The following MAPK10 variants were observed in gnomAD, a reference collection of about 807,000 sequenced individuals.
MAPK10 encodes mitogen-activated protein kinase 10.
A neutral mutation model predicts 59.3 loss-of-function variants in MAPK10; 25 were observed. That is an observed-to-expected ratio of 0.42 (90% CI 0.31 to 0.59). The LOEUF is 0.59. MAPK10 is among the 20% of genes least tolerant of loss of function. The probability of loss-of-function intolerance (pLI) is 0.15; values close to 1 mark genes in which losing one functional copy is unlikely to be tolerated. For missense variants in MAPK10, 351 were observed against 568.9 expected, an observed-to-expected ratio of 0.62 and a Z score of 3.90; for synonymous variants, 190 against 200.5, an observed-to-expected ratio of 0.95 and a Z score of 0.44.
At chr4:86,378,269 G>T (rs551501536) in intron 1 of MAPK10, among the ~76,000 whole-genome samples, 3 of 152,244 alleles carry the variant, frequency 2.0e-5, no homozygotes, top group Non-Finnish European at 4.4e-5. Flanking sequence ...CCTCTTTGTA[G>T]TTTCTCAGAC....
intron 4 of MAPK10, among the ~76,000 whole-genome samples, chr4:86,108,579 T>A (rs2056935792): frequency 6.6e-6 from 1 of 152,202 alleles, no homozygotes. Context: ...CATTTAATAC[T>A]CATTCCTCTC....
chr4:86,148,790 A>C (rs1312441531), intron 4 of MAPK10, among the ~76,000 whole-genome samples: 3 of 152,198 alleles, frequency 2.0e-5, no homozygotes, highest in Non-Finnish European at 4.4e-5. Flanking sequence ...AATCTGAAGG[A>C]GATAAGAGTA....
chr4:86,226,983 A>G (rs1458668428), intron 2 of MAPK10, among the ~76,000 whole-genome samples: 2 of 152,204 alleles, frequency 1.3e-5, no homozygotes, highest in African/African-American at 4.8e-5. Context: ...GGATTTGATG[A>G]ATTGCTTTTC....
At chr4:86,218,582 A>AC (rs1554102964) in intron 2 of MAPK10, among the ~76,000 whole-genome samples, 1 of 151,974 alleles carries the variant, frequency 6.6e-6, no homozygotes, top group African/African-American at 2.4e-5. Context: ...AAAAAAAAAA[A>AC]AAAAACACTT....
chr4:86,163,807 A>G (rs2070692153), intron 3 of MAPK10, among the ~76,000 whole-genome samples: 1 of 152,182 alleles, frequency 6.6e-6, no homozygotes, highest in African/African-American at 2.4e-5. Context: ...GCAGATCGAC[A>G]TGTAAACAAA....
At chr4:86,590,660 C>T (rs998652791) in intron 1 of MAPK10, among the ~76,000 whole-genome samples, 52 of 151,988 alleles carry the variant, frequency 3.4e-4, no homozygotes, top group African/African-American at 1.2e-3. Context: ...GTGGTGTGCA[C>T]CTGTAGTCCT....
chr4:86,374,128 A>G (rs1374229890), intron 1 of MAPK10, among the ~76,000 whole-genome samples: 1 of 152,164 alleles, frequency 6.6e-6, no homozygotes, highest in Non-Finnish European at 1.5e-5. Context: ...GAAGCTGGAA[A>G]CCATCATTCT....
chr4:86,243,205 C>G (rs2092861484), intron 2 of MAPK10, among the ~76,000 whole-genome samples: 2 of 152,152 alleles, frequency 1.3e-5, no homozygotes, highest in Admixed American at 1.3e-4. Flanking sequence ...TGGGAGCCTC[C>G]CAACTCAGCT....
At chr4:86,134,598 G>A (rs935311097) in intron 4 of MAPK10, among the ~76,000 whole-genome samples, 3 of 152,102 alleles carry the variant, frequency 2.0e-5, no homozygotes, top group Non-Finnish European at 4.4e-5. Flanking sequence ...TAAGAAGTTA[G>A]GAAAATGAAA....
At chr4:86,211,748 C>T (rs925890765) in intron 2 of MAPK10, among the ~76,000 whole-genome samples, 2 of 152,102 alleles carry the variant, frequency 1.3e-5, no homozygotes, top group Non-Finnish European at 2.9e-5. Context: ...CTGAGAAGAA[C>T]TGCTTGTTTT....
intron 3 of MAPK10, among the ~76,000 whole-genome samples, chr4:86,170,080 C>A (rs1389541786): frequency 1.3e-5 from 2 of 152,152 alleles, no homozygotes; most frequent in East Asian, 1.9e-4. Flanking sequence ...TGGAAAGGAA[C>A]AACCGGTACC....
chr4:86,064,139 A>G, intron 11 of MAPK10, 127 bp downstream of exon 11: 1 of 1,171,980 alleles, frequency 8.5e-7, no homozygotes, highest in Middle Eastern at 2.0e-4. Context: ...GGGGCAGATA[A>G]TAGGCTTTGG....
intron 2 of MAPK10, among the ~76,000 whole-genome samples, chr4:86,336,092 A>G (rs1328011262): frequency 1.3e-5 from 2 of 152,372 alleles, no homozygotes; most frequent in Non-Finnish European, 1.5e-5. Flanking sequence ...AAAGAAAATT[A>G]TAATTTGTAT....
At chr4:86,298,429 CCCCTGTG>C in intron 2 of MAPK10, among the ~76,000 whole-genome samples, 1 of 152,304 alleles carries the variant, frequency 6.6e-6, no homozygotes, top group East Asian at 1.9e-4. Context: ...ATATTAACCA[CCCCTGTG>C]ACCCTCCTCT....
At chr4:86,103,146 G>A (rs772647966) in intron 6 of MAPK10, 40 bp downstream of exon 6, 19 of 1,448,730 alleles carry the variant, frequency 1.3e-5, no homozygotes, top group Non-Finnish European at 1.8e-5. Flanking sequence ...GGCTATCTGA[G>A]TGCTGTGCTC....
intron 4 of MAPK10, among the ~76,000 whole-genome samples, chr4:86,130,776 G>A (rs2060862996): frequency 6.6e-6 from 1 of 152,110 alleles, no homozygotes; most frequent in Non-Finnish European, 1.5e-5. Context: ...AGATGTTGGG[G>A]TTTTGAGGAA....
chr4:86,200,780 A>G (rs758708643), intron 2 of MAPK10, among the ~76,000 whole-genome samples: 33 of 151,970 alleles, frequency 2.2e-4, no homozygotes, highest in Non-Finnish European at 4.3e-4. Flanking sequence ...TAATACAAGC[A>G]TACAATGTGT....
At position 86,371,813 on chromosome 4, in the gene MAPK10, T is replaced by C. The variant is rs114476206; in HGVS notation, c.-121-17169A>G. The stretch of plus-strand genomic sequence containing the variant: ...TCTTTCCCATAGCCAAGAGAAGCCA[T>C]AAGAGAACAAGAGAACATGCCATGA... On this transcript the variant is annotated intron_variant, in intron 1 of 13. Coordinates refer to the MAPK10 transcript ENST00000361569. Among the ~76,000 whole-genome samples the C allele has an allele frequency of 4.1e-3, 624 of 152,166 alleles. 6 individuals carry two copies. The highest frequency in any genetic ancestry group is 0.014 in the African/African-American group (596 of 41,520).
At chr4:86,504,905 T>C (rs947101139) in intron 1 of MAPK10, among the ~76,000 whole-genome samples, 4 of 152,090 alleles carry the variant, frequency 2.6e-5, no homozygotes, top group African/African-American at 9.7e-5. Context: ...TTCACCTGCC[T>C]CCCAGTTTGC....
Sources: gnomAD v4.1 joint callset for allele counts (sites outside exome capture counted in the v4.1 genomes callset) on GRCh38, gnomAD v4.1.1 for gene constraint, MANE v1.5 for transcripts, NCBI Gene and HGNC (gene_info 2026-07-23, HGNC 2026-07-21) for gene names.